The following MZT2B variants were observed in gnomAD, a reference collection of about 807,000 sequenced individuals.
MZT2B encodes mitotic spindle organizing protein 2B, also known as mitotic-spindle organizing protein 2B.
Under a neutral mutation model 12.1 loss-of-function variants are expected in MZT2B, and 11 were observed. That is an observed-to-expected ratio of 0.91 (90% CI 0.57 to 1.50). The LOEUF is 1.50. Ranked by LOEUF, MZT2B falls within the 40% of genes most tolerant of loss-of-function variation. The pLI is 0.00. For synonymous variants in MZT2B, 85 were observed against 109.5 expected (o/e 0.78, Z 1.40); for missense variants, 209 against 227.7 (o/e 0.92, Z 0.53).
At chr2:130,187,404 G>T (rs1690107057) in intron 2 of MZT2B, among the ~76,000 whole-genome samples, 2 of 152,166 alleles carry the variant, frequency 1.3e-5, no homozygotes, top group African/African-American at 4.8e-5. Context: ...GTCCCAGCTG[G>T]TCTCTAGCTT....
the MZT2B span, chr2:130,196,434 G>T: frequency 6.4e-7 from 1 of 1,568,516 alleles, no homozygotes; most frequent in Non-Finnish European, 8.6e-7. Flanking sequence ...TATATGGCAT[G>T]CAAAATATTC....
chr2:130,190,486 G>A lies in MZT2B; in HGVS notation c.337G>A (p.Ala113Thr), dbSNP rs754224613. 8.7e-6 allele frequency: 14 copies of A among 1,613,626 alleles called. 1 individual carries two copies. The highest frequency in any genetic ancestry group is 1.7e-4 in the Middle Eastern group (1 of 6,032). ...CTCCTCAGGGAGAAACAAAGGCAGC[G>A]CTGCCCTCGGGGGAGCATTGGCCCT... ...PETRGRNKGSAALGGALALAE... is the reference protein window; with the variant it reads ...PETRGRNKGSTALGGALALAE... The change falls in exon 3 of 3, where the codon GCT becomes ACT. Residue 113 changes from alanine to threonine, a missense_variant. Coordinates refer to ENST00000281871, the MANE Select transcript of MZT2B (RefSeq NM_025029.5).
intron 2 of MZT2B, 67 bp downstream of exon 2, chr2:130,182,842 G>C: frequency 2.1e-6 from 3 of 1,426,468 alleles, no homozygotes; most frequent in Non-Finnish European, 2.8e-6. Flanking sequence ...GGCAGGCGCG[G>C]CACAGCGGCG....
chr2:130,195,809 A>G, the MZT2B span, among the ~76,000 whole-genome samples: 1 of 152,376 alleles, frequency 6.6e-6, no homozygotes, highest in African/African-American at 2.4e-5. Context: ...GTGCACCAGC[A>G]TAAGAGAATG....
chr2:130,203,234 G>T, the MZT2B span, among the ~76,000 whole-genome samples: 1 of 152,144 alleles, frequency 6.6e-6, no homozygotes, highest in Non-Finnish European at 1.5e-5. Flanking sequence ...TGCTTCTTAA[G>T]ATCATCTGTG....
intron 2 of MZT2B, among the ~76,000 whole-genome samples, chr2:130,185,709 G>T (rs1377563619): frequency 8.0e-6 from 1 of 124,636 alleles, no homozygotes; most frequent in Non-Finnish European, 1.7e-5. Context: ...GCACGGTCAA[G>T]ATGTATGTGA....
intron 2 of MZT2B, chr2:130,187,986 A>G (rs1438553274): frequency 3.3e-5 from 5 of 151,892 alleles, no homozygotes; most frequent in South Asian, 2.1e-4. Flanking sequence ...TGGGGCAGCA[A>G]TGAACTGTGA....
At chr2:130,195,091 C>G (rs1690371523), downstream of MZT2B, 3 of 1,612,834 alleles carry the variant, frequency 1.9e-6, no homozygotes, top group Non-Finnish European at 8.5e-7. Context: ...GTTTGCGGAT[C>G]CGGTCCAGGA....
chr2:130,182,494 C>A lies in MZT2B; in HGVS notation c.170+42C>A, dbSNP rs1287298461. 9 of 1,541,012 alleles carry A rather than the reference C, an allele frequency of 5.8e-6. No homozygotes were observed. The East Asian group carries it at 1.7e-4, about 29-fold the overall frequency. ...GGGGCCGCATGCTAGCCAGACACCC[C>A]CCGACCTCTGCTTTCCGGGTACGCC... On this transcript the variant is annotated intron_variant, in intron 1 of 2. Transcript: ENST00000281871.
the MZT2B span, among the ~76,000 whole-genome samples, chr2:130,203,289 G>A: frequency 2.6e-5 from 4 of 152,160 alleles, no homozygotes; most frequent in Non-Finnish European, 5.9e-5. Context: ...AGTGTGGGCT[G>A]GGCGGCCTCT....
chr2:130,189,048 C>T lies in MZT2B; in HGVS notation c.320-1421C>T, dbSNP rs528537938. Reference sequence around the variant, plus strand: ...CCCTAAAAGTGATGGCAGGGGAGTTCCTGCAAGGGACTGCCCCAAACCTTT... The same window carrying T: ...CCCTAAAAGTGATGGCAGGGGAGTTTCTGCAAGGGACTGCCCCAAACCTTT... On this transcript the variant is annotated intron_variant, in intron 2 of 2. Coordinates refer to ENST00000281871, the MANE Select transcript of MZT2B (RefSeq NM_025029.5). Among the ~76,000 whole-genome samples the T allele has an allele frequency of 1.2e-4, 18 of 152,166 alleles. No individual in the cohort carries two copies. In the East Asian group the frequency reaches 3.5e-3, roughly 30 times the overall value.
At chr2:130,186,240 A>G (rs754086770) in intron 2 of MZT2B, among the ~76,000 whole-genome samples, 11 of 152,192 alleles carry the variant, frequency 7.2e-5, no homozygotes, top group African/African-American at 1.9e-4. Context: ...AGGCCCTCTC[A>G]AGCTTGCCTC....
At chr2:130,192,831 C>G (rs1220429519), downstream of MZT2B, among the ~76,000 whole-genome samples, 1 of 152,152 alleles carries the variant, frequency 6.6e-6, no homozygotes, top group Admixed American at 6.5e-5. Context: ...TGTGGTGGCT[C>G]AAGCCTGTGA....
At chr2:130,184,699 A>G in intron 2 of MZT2B, 1 of 985,426 alleles carries the variant, frequency 1.0e-6, no homozygotes, top group Non-Finnish European at 1.2e-6. Context: ...TTGAGGGGCA[A>G]GTGTCCAGCA....
chr2:130,194,921 A>C (rs1158528081), downstream of MZT2B, among the ~76,000 whole-genome samples: 3 of 152,024 alleles, frequency 2.0e-5, no homozygotes, highest in African/African-American at 7.3e-5. Context: ...CAGGTAATCC[A>C]CCTGCTTTAG....
chr2:130,193,852 C>T (rs1413783892), downstream of MZT2B: 12 of 1,614,006 alleles, frequency 7.4e-6, no homozygotes, highest in South Asian at 1.1e-5. Context: ...TGGCGATGGC[C>T]GCATTGACGT....
chr2:130,182,097 A>G (rs1411183445), upstream of MZT2B: 1 of 1,343,224 alleles, frequency 7.4e-7, no homozygotes, highest in Non-Finnish European at 9.6e-7. Flanking sequence ...GCCGCTCAGC[A>G]CACCGTGAGC....
the MZT2B span, chr2:130,198,487 G>A: frequency 2.3e-5 from 27 of 1,159,046 alleles, 9 homozygotes; most frequent in African/African-American, 3.4e-5. Flanking sequence ...GTGCCAGGCC[G>A]CCATTGGCTC....
the MZT2B span, chr2:130,198,316 T>C: frequency 3.7e-6 from 5 of 1,352,388 alleles, no homozygotes; most frequent in Non-Finnish European, 5.0e-6. Flanking sequence ...GCCAACTTCG[T>C]CTGCCTGGGC....
Sources: allele counts gnomAD v4.1 joint callset (sites outside exome capture counted in the v4.1 genomes callset), GRCh38; gene constraint gnomAD v4.1.1; transcripts MANE v1.5; gene names NCBI Gene and HGNC (gene_info 2026-07-23, HGNC 2026-07-21).